RET: variants seen among roughly 807,000 people sequenced by gnomAD.
The protein encoded by RET is proto-oncogene tyrosine-protein kinase receptor Ret.
Under a neutral mutation model 118.3 loss-of-function variants are expected in RET, and 19 were observed. The ratio of observed to expected loss-of-function variants is 0.16; its 90% confidence interval spans 0.11 to 0.24. The LOEUF is 0.24. Ranked by LOEUF, RET falls within the 10% of genes least tolerant of loss-of-function variation. The pLI is 1.00. For synonymous variants in RET, 597 were observed against 644.1 expected (o/e 0.93, Z 1.11); for missense variants, 1,219 against 1,502.1 (o/e 0.81, Z 3.12).
chr10:43,112,061 G>T, intron 7 of RET, 38 bp from the exon 8 acceptor site: 1 of 1,575,146 alleles, frequency 6.3e-7, no homozygotes, highest in Non-Finnish European at 8.6e-7. Flanking sequence ...CTGGGCCCAG[G>T]CCAGCCCCCT....
Position 43,119,786 on chromosome 10 carries a change from G to A in RET, c.2607+41G>A, listed in dbSNP as rs918821166. On this transcript the variant is annotated intron_variant, in intron 14 of 19. Coordinates refer to ENST00000355710, the MANE Select transcript of RET (RefSeq NM_020975.6). ...TCTGCACCCAGCCAGCCCCGGCCAG[G>A]CCACACCCTGACCCACCACGCCCCT... 58 of 1,598,322 alleles carry A rather than the reference G, an allele frequency of 3.6e-5. No individual in the cohort carries two copies. In the Admixed American group the frequency reaches 9.6e-4, roughly 26 times the overall value.
At chr10:43,104,910 C>G (rs766654275) in intron 3 of RET, 42 bp from the exon 4 acceptor site, 10 of 1,541,952 alleles carry the variant, frequency 6.5e-6, no homozygotes, top group Non-Finnish European at 7.8e-6. Context: ...GGCCCGGTCC[C>G]GGCTGGTGAT....
chr10:43,108,925 G>A lies in RET; in HGVS notation c.1064-106G>A, dbSNP rs371239642. On this transcript the variant is annotated intron_variant, in intron 5 of 19. Transcript: ENST00000355710. ...CATGGCACTGTATGTGTGAAAGTGC[G>A]TGTTTGCACCAGTGTGAGTGCAGGG... 1,112 of 1,100,530 alleles carry A rather than the reference G, an allele frequency of 1.0e-3. 13 individuals are homozygous for A. Among genetic ancestry groups the A allele is most frequent in the South Asian group, 7.5e-3 (598 of 79,682 alleles). 68.2% of individuals were successfully genotyped at this position (1,100,530 alleles called of 1,614,324 possible).
chr10:43,099,164 G>A (rs1380320004), intron 1 of RET, among the ~76,000 whole-genome samples: 1 of 152,106 alleles, frequency 6.6e-6, no homozygotes, highest in African/African-American at 2.4e-5. Flanking sequence ...AGGAAGCTAC[G>A]CCTCTGTCCA....
Position 43,114,763 on chromosome 10 carries a change from ATCCCCTGCCCTCCCCAGCTGCCT to A in RET, c.2136+31_2136+53del. ...TGAGGGTCCCTGCGGGGCAGGGAAGATCCCCTGCCCTCCCCAGCTGCCTTCCAGGGAGGGAGGCCAGCTGGGGA... is the reference window on the plus strand; with the variant it reads ...TGAGGGTCCCTGCGGGGCAGGGAAGATCCAGGGAGGGAGGCCAGCTGGGGA... On this transcript the variant is annotated intron_variant, in intron 11 of 19. Coordinates refer to ENST00000355710, the MANE Select transcript of RET (RefSeq NM_020975.6). The surrounding 1 kb of genome is among the most constrained non-coding windows in gnomAD (Gnocchi z 4.6). 1 of 1,589,280 alleles carries A rather than the reference ATCCCCTGCCCTCCCCAGCTGCCT, an allele frequency of 6.3e-7. No individual in the cohort carries two copies. Among genetic ancestry groups the A allele is most frequent in the East Asian group, 2.3e-5 (1 of 43,660 alleles).
In RET at chr10:43,106,465, C is replaced by T. The variant is rs149926238; in HGVS notation, c.957C>T (p.Leu319=). 4 of 1,613,498 alleles carry T rather than the reference C, an allele frequency of 2.5e-6. No individual in the cohort carries two copies. Among genetic ancestry groups the T allele is most frequent in the Non-Finnish European group, 3.4e-6 (4 of 1,179,782 alleles). Residue 319 remains leucine (L), a synonymous_variant, in exon 5 of 20, where the codon CTC becomes CTT. Transcript: ENST00000355710. This position sits in a 1 kb window ranked among gnomAD's most constrained non-coding sequence, Gnocchi z 5.1. ...ELVRRYTSTL[L]PGDTWAQQTF... The stretch of plus-strand genomic sequence containing the variant: ...TGAGGCGGTACACAAGCACGCTGCT[C>T]CCCGGGGACACCTGGGCCCAGCAGA...
At chr10:43,122,308 C>G (rs1393083773) in intron 16 of RET, among the ~76,000 whole-genome samples, 1 of 152,220 alleles carries the variant, frequency 6.6e-6, no homozygotes, top group African/African-American at 2.4e-5. Context: ...AGTCCCATGC[C>G]TCCCTCTGGG....
At position 43,114,586 on chromosome 10, in the gene RET, G is replaced by A. The variant is rs1295196408; in HGVS notation, c.1986G>A (p.Lys662=). The A allele has an allele frequency of 1.2e-6, 2 of 1,612,586 alleles. No homozygotes were observed. Among genetic ancestry groups the A allele is most frequent in the Admixed American group, 1.7e-5 (1 of 59,990 alleles). The change falls in exon 11 of 20, where the codon AAG becomes AAA. Residue 662 remains lysine, a synonymous_variant. Transcript: ENST00000355710. This position sits in a 1 kb window ranked among gnomAD's most constrained non-coding sequence, Gnocchi z 4.6. ...CCTTCTGCATCCACTGCTACCACAAGTTTGCCCACAAGCCACCCATCTCCT... is the reference window on the plus strand; with the variant it reads ...CCTTCTGCATCCACTGCTACCACAAATTTGCCCACAAGCCACCCATCTCCT... ...LSAFCIHCYH[K]FAHKPPISSA...
intron 17 of RET, among the ~76,000 whole-genome samples, chr10:43,124,016 G>C: frequency 6.6e-6 from 1 of 152,230 alleles, no homozygotes; most frequent in African/African-American, 2.4e-5. Flanking sequence ...CTTCCTAGGG[G>C]GTCTTATAAA....
Position 43,112,960 on chromosome 10 carries a change from C to T in RET, c.1756C>T (p.Leu586Phe), listed in dbSNP as rs777604634. The T allele has an allele frequency of 1.5e-5, 24 of 1,613,202 alleles. No homozygotes were observed. Among genetic ancestry groups the T allele is most frequent in the Middle Eastern group, 1.6e-4 (1 of 6,082 alleles). ...QDINICPQDC[L>F]RGSIVGGHEP... The stretch of plus-strand genomic sequence containing the variant: ...CATCAACATTTGCCCTCAGGACTGC[C>T]TCCGTAAGCAGGGTTTAATCAGGGC... The change falls in exon 9 of 20, where the codon CTC becomes TTC. Residue 586 changes from leucine (L) to phenylalanine (F), a missense_variant. By Grantham distance (22) the Leu-to-Phe change is conservative. Around this residue, in one of 5 missense-constraint regions of RET, gnomAD observed 850 missense variants for 969.6 expected, o/e 0.88. Transcript: ENST00000355710.
chr10:43,080,643 C>T (rs1837159150), intron 1 of RET, among the ~76,000 whole-genome samples: 2 of 152,218 alleles, frequency 1.3e-5, no homozygotes, highest in Non-Finnish European at 2.9e-5. Flanking sequence ...CCCCCCACCT[C>T]GGGCTCCAGG....
intron 6 of RET, among the ~76,000 whole-genome samples, chr10:43,110,157 CG>C (rs922297712): frequency 2.0e-5 from 3 of 150,914 alleles, no homozygotes; most frequent in Admixed American, 6.6e-5. Context: ...CAGAGGGCCC[CG>C]GGGGGTCTCA....
intron 3 of RET, among the ~76,000 whole-genome samples, chr10:43,103,774 G>T (rs892672990): frequency 1.3e-5 from 2 of 152,146 alleles, no homozygotes; most frequent in South Asian, 2.1e-4. Flanking sequence ...TTAGTGGGGG[G>T]TTTTTTGTAA....
chr10:43,106,213 GA>G lies in RET; in HGVS notation c.868-161del, dbSNP rs1837771065. On this transcript the variant is annotated intron_variant, in intron 4 of 19. Transcript: ENST00000355710. The surrounding 1 kb of genome is among the most constrained non-coding windows in gnomAD (Gnocchi z 5.1). ...GCCAGGCTGGCCAGTGACCCCGTGG[GA>G]ACTTGAACCCAGGTCAGACTGTCCC... Among the ~76,000 whole-genome samples the G allele has an allele frequency of 6.6e-6, 1 of 152,226 alleles. No homozygotes were observed.
At chr10:43,092,091 T>G (rs1837423661) in intron 1 of RET, among the ~76,000 whole-genome samples, 2 of 152,316 alleles carry the variant, frequency 1.3e-5, no homozygotes, top group Admixed American at 1.3e-4. Context: ...TACCCAAGTG[T>G]CCATTGACCA....
intron 11 of RET, among the ~76,000 whole-genome samples, 196 bp from the exon 12 acceptor site, chr10:43,116,388 C>T (rs1338413239): frequency 6.6e-6 from 1 of 152,208 alleles, no homozygotes; most frequent in Non-Finnish European, 1.5e-5. Flanking sequence ...TGTCATGTAG[C>T]AGCTTTCAGG....
chr10:43,078,325 G>C (rs1464596958), intron 1 of RET, among the ~76,000 whole-genome samples: 2 of 152,204 alleles, frequency 1.3e-5, no homozygotes, highest in Non-Finnish European at 2.9e-5. Flanking sequence ...CTTACAAAGG[G>C]CTTTCTCTCC....
chr10:43,093,978 C>T (rs1837465655), intron 1 of RET, among the ~76,000 whole-genome samples: 1 of 151,808 alleles, frequency 6.6e-6, no homozygotes, highest in South Asian at 2.1e-4. Flanking sequence ...AGCAGGGCCA[C>T]GGGCTCCAGG....
chr10:43,115,738 A>G (rs1838056773), intron 11 of RET, among the ~76,000 whole-genome samples: 1 of 152,328 alleles, frequency 6.6e-6, no homozygotes, highest in South Asian at 2.1e-4. Flanking sequence ...ACTCAACCTC[A>G]GTATTTGAGA....
Sources: allele counts gnomAD v4.1 joint callset (sites outside exome capture counted in the v4.1 genomes callset), GRCh38; gene constraint gnomAD v4.1.1; regional missense constraint gnomAD v4.1.1; non-coding constraint Gnocchi (gnomAD v3.1); transcripts MANE v1.5; gene names NCBI Gene and HGNC (gene_info 2026-07-23, HGNC 2026-07-21).